Variants in ADCY10 observed in about 807,000 individuals in gnomAD.
ADCY10 encodes adenylate cyclase type 10.
ADCY10 carries 156 observed loss-of-function variants against 183.3 expected under a neutral mutation model. The ratio of observed to expected loss-of-function variants is 0.85; its 90% CI spans 0.75 to 0.97. The LOEUF is 0.97. ADCY10 is among the 50% of genes least tolerant of loss of function. The pLI is 0.00. For missense variants in ADCY10, 1,745 were observed against 1,934.3 expected (o/e 0.90, Z 1.84); for synonymous variants, 645 against 670.0 (o/e 0.96, Z 0.58).
chr1:167,811,741 T>G (rs1662224347), intron 31 of ADCY10, among the ~76,000 whole-genome samples: 1 of 152,136 alleles, frequency 6.6e-6, no homozygotes, highest in South Asian at 2.1e-4. Flanking sequence ...TGGGAACCAG[T>G]GCCAGGCTAG....
chr1:167,867,079 C>T (rs1666754272), intron 14 of ADCY10, among the ~76,000 whole-genome samples: 1 of 152,210 alleles, frequency 6.6e-6, no homozygotes, highest in African/African-American at 2.4e-5. Flanking sequence ...CCCCACATAA[C>T]CATTGAAGTT....
At chr1:167,818,494 A>C in intron 30 of ADCY10, 1 of 632,272 alleles carries the variant, frequency 1.6e-6, no homozygotes, top group African/African-American at 1.8e-5. Context: ...GAATCCTTGG[A>C]AACACTCAGG....
chr1:167,823,188 A>T lies in ADCY10; in HGVS notation c.4053-65T>A, dbSNP rs2101864338. The T allele has an allele frequency of 8.5e-6, 12 of 1,403,956 alleles. No homozygotes were observed. In the South Asian group the frequency reaches 1.4e-4, roughly 16 times the overall value. 87.0% of individuals were successfully genotyped at this position (1,403,956 alleles called of 1,614,324 possible). A position where few individuals can be genotyped will look rare whatever the true frequency, so the allele number is the denominator to read the frequency against. ...GATATTGTAATCCCAGCACTTTGGG[A>T]GGCTGAGGTGGGTGGATCACGAGGT... On this transcript the variant is annotated intron_variant, in intron 28 of 32. Transcript: ENST00000367851.
chr1:167,867,736 T>C (rs1456030380), intron 14 of ADCY10, among the ~76,000 whole-genome samples: 1 of 151,564 alleles, frequency 6.6e-6, no homozygotes, highest in Non-Finnish European at 1.5e-5. Context: ...TGTGCCACTA[T>C]CAATAGCAAT....
chr1:167,834,906 C>T (rs1262493923), intron 23 of ADCY10, among the ~76,000 whole-genome samples: 1 of 152,196 alleles, frequency 6.6e-6, no homozygotes, highest in African/African-American at 2.4e-5. Context: ...ACCTAAGCCT[C>T]CTCCTCCTGG....
At chr1:167,855,600 C>A (rs1028722000) in intron 17 of ADCY10, among the ~76,000 whole-genome samples, 2 of 152,296 alleles carry the variant, frequency 1.3e-5, no homozygotes, top group Middle Eastern at 3.4e-3. Flanking sequence ...CCATACCCCC[C>A]ATGATGAAAG....
At chr1:167,847,212 C>T (rs1665108038) in intron 19 of ADCY10, among the ~76,000 whole-genome samples, 1 of 152,042 alleles carries the variant, frequency 6.6e-6, no homozygotes, top group South Asian at 2.1e-4. Flanking sequence ...CAGGTGTGAG[C>T]TACTGCCTTC....
At chr1:167,852,422 C>A (rs535509757) in intron 18 of ADCY10, among the ~76,000 whole-genome samples, 1 of 151,386 alleles carries the variant, frequency 6.6e-6, no homozygotes, top group Non-Finnish European at 1.5e-5. Flanking sequence ...CCAGCCTGGG[C>A]GACAGAGTGA....
At position 167,880,420 on chromosome 1, in the gene ADCY10, C is replaced by G. The variant is rs76779157; in HGVS notation, c.1139+71G>C. On this transcript the variant is annotated intron_variant, in intron 10 of 32. Transcript: ENST00000367851. ...ATTAATTCTTCTTTCTTTCCTGTTC[C>G]CTGCATGCCCTCCCTACTTATGCCT... 0.071 allele frequency: 82,364 copies of G among 1,152,346 alleles called. 3,340 individuals carry two copies. The highest frequency in any genetic ancestry group is 0.09 in the Middle Eastern group (464 of 5,168). The allele number at this position is 1,152,346 out of a possible 1,614,324, so 71.4% of individuals were successfully genotyped here.
chr1:167,876,117 C>T (rs1195908167), intron 12 of ADCY10, among the ~76,000 whole-genome samples: 4 of 152,020 alleles, frequency 2.6e-5, no homozygotes, highest in Non-Finnish European at 5.9e-5. Context: ...ATTAGCTGGG[C>T]GTGGTGGCTT....
intron 1 of ADCY10, among the ~76,000 whole-genome samples, chr1:167,913,051 A>G (rs1178389457): frequency 6.6e-6 from 1 of 152,198 alleles, no homozygotes. Context: ...TTAATTTAAG[A>G]GCACTTTCAA....
rs1310468801 is a variant in ADCY10, at chr1:167,810,887, A to C, written c.4509T>G (p.Asn1503Lys). 6.2e-7 allele frequency: 1 copy of C among 1,614,170 alleles called. No homozygotes were observed. The highest frequency in any genetic ancestry group is 8.5e-7 in the Non-Finnish European group (1 of 1,180,028). ...LKNLENLVAQ[N>K]TTGPVFCPRL... Reference sequence around the variant, plus strand: ...TTGGGCAAAAGACAGGGCCAGTGGTATTTTGAGCCACCAGATTCTCCAAGT... The same window carrying C: ...TTGGGCAAAAGACAGGGCCAGTGGTCTTTTGAGCCACCAGATTCTCCAAGT... Residue 1503 changes from asparagine to lysine, a missense_variant, in exon 32 of 33, where the codon AAT becomes AAG. Transcript: ENST00000367851.
At chr1:167,822,836 C>T (rs539156042) in intron 29 of ADCY10, among the ~76,000 whole-genome samples, 172 bp downstream of exon 29, 1 of 152,228 alleles carries the variant, frequency 6.6e-6, no homozygotes, top group African/African-American at 2.4e-5. Context: ...ACAATCTCGG[C>T]ACCTGCTAGA....
At chr1:167,829,060 C>A (rs999598621) in intron 26 of ADCY10, among the ~76,000 whole-genome samples, 1 of 152,156 alleles carries the variant, frequency 6.6e-6, no homozygotes, top group African/African-American at 2.4e-5. Flanking sequence ...TGAATAAAAG[C>A]TATTCGGGAT....
At chr1:167,893,306 T>C (rs1377059553) in intron 8 of ADCY10, among the ~76,000 whole-genome samples, 2 of 152,222 alleles carry the variant, frequency 1.3e-5, no homozygotes, top group African/African-American at 4.8e-5. Flanking sequence ...CGCAATTATA[T>C]AAGGCAACGC....
chr1:167,880,620 G>A lies in ADCY10; in HGVS notation c.1021-11C>T, dbSNP rs146573590. 9.2e-3 allele frequency: 14,694 copies of A among 1,589,768 alleles called. 88 individuals carry two copies. The highest frequency in any genetic ancestry group is 0.025 in the Admixed American group (1,528 of 59,994). ...GAGGAAAGAGCAGCCCTGTGAGGGA[G>A]AGAGACAGCAACCACAGCTGATGGA... On this transcript the variant is annotated splice_polypyrimidine_tract_variant and intron_variant, in intron 9 of 32. Transcript: ENST00000367851.
chr1:167,904,662 T>A, intron 2 of ADCY10: 1 of 588,488 alleles, frequency 1.7e-6, no homozygotes, highest in Non-Finnish European at 3.0e-6. Flanking sequence ...AGGGAGATCA[T>A]TTCCTGAGGT....
intron 8 of ADCY10, among the ~76,000 whole-genome samples, chr1:167,885,149 G>A (rs1048979617): frequency 1.3e-5 from 2 of 152,058 alleles, no homozygotes; most frequent in Non-Finnish European, 2.9e-5. Flanking sequence ...ATAGTACTTC[G>A]TTGTGTATAT....
intron 31 of ADCY10, among the ~76,000 whole-genome samples, chr1:167,814,559 A>C (rs1290249977): frequency 3.3e-5 from 5 of 152,074 alleles, no homozygotes. Context: ...CAGTTCTATA[A>C]TAGTAGTTGG....
Sources: gnomAD v4.1 joint callset for allele counts (sites outside exome capture counted in the v4.1 genomes callset) on GRCh38, gnomAD v4.1.1 for gene constraint, MANE v1.5 for transcripts, NCBI Gene and HGNC (gene_info 2026-07-23, HGNC 2026-07-21) for gene names.